Variants in AGAP1 observed in about 807,000 individuals in gnomAD.
AGAP1 encodes the protein arf-GAP with GTPase, ANK repeat and PH domain-containing protein 1.
AGAP1 carries 29 observed loss-of-function variants against 105.3 expected under a neutral mutation model. The observed-to-expected ratio is 0.28, with a 90% CI of 0.21 to 0.38. AGAP1 has a LOEUF of 0.38. Among genes scored for constraint, AGAP1 ranks in the 10% least tolerant of loss-of-function variants. The pLI is 1.00. For missense variants in AGAP1, 998 were observed against 1,165.1 expected (o/e 0.86, Z 2.09); for synonymous variants, 509 against 485.9 (o/e 1.05, Z -0.63).
chr2:235,691,995 A>G lies in AGAP1; in HGVS notation c.164-17184A>G, dbSNP rs911163925. The stretch of plus-strand genomic sequence containing the variant: ...ATAGCACATTCTCTAGTTGCTGGTT[A>G]TCTAGTTACTAGTGGTAAGACAGAG... On this transcript the variant is annotated intron_variant, in intron 1 of 17. Coordinates refer to ENST00000304032, the MANE Select transcript of AGAP1 (RefSeq NM_001037131.3). This position sits in a 1 kb window ranked among gnomAD's most constrained non-coding sequence, Gnocchi z 4.4. Among the ~76,000 whole-genome samples the G allele has an allele frequency of 1.3e-5, 2 of 152,218 alleles. No homozygotes were observed. The highest frequency in any genetic ancestry group is 4.8e-5 in the African/African-American group (2 of 41,458).
At position 235,751,224 on chromosome 2, in the gene AGAP1, G is replaced by A. The variant is rs1393037338; in HGVS notation, c.673+736G>A. 6.6e-6 allele frequency among the ~76,000 whole-genome samples: 1 copy of A among 152,146 alleles called. No individual in the cohort carries two copies. The highest frequency in any genetic ancestry group is 1.5e-5 in the Non-Finnish European group (1 of 68,026). Reference sequence around the variant, plus strand: ...TCACCCTGGGGATAGGAGGGTCTGGGGTAAATAAGGACTGATACTTCTAAA... The same window carrying A: ...TCACCCTGGGGATAGGAGGGTCTGGAGTAAATAAGGACTGATACTTCTAAA... On this transcript the variant is annotated intron_variant, in intron 6 of 17. Transcript: ENST00000304032. The surrounding 1 kb of genome is among the most constrained non-coding windows in gnomAD (Gnocchi z 5.3).
chr2:235,742,124 A>G (rs923505569), intron 4 of AGAP1, among the ~76,000 whole-genome samples: 15 of 152,106 alleles, frequency 9.9e-5, no homozygotes, highest in Non-Finnish European at 1.6e-4. Flanking sequence ...AATGTCAGAC[A>G]TTTTCTTGGC....
At position 235,577,354 on chromosome 2, in the gene AGAP1, C is replaced by G. The variant is rs965692649; in HGVS notation, c.163+82505C>G. Among the ~76,000 whole-genome samples the G allele has an allele frequency of 3.3e-5, 5 of 152,162 alleles. No individual in the cohort carries two copies. Among genetic ancestry groups the G allele is most frequent in the African/African-American group, 1.2e-4 (5 of 41,436 alleles). On this transcript the variant is annotated intron_variant, in intron 1 of 17. Transcript: ENST00000304032. This position sits in a 1 kb window ranked among gnomAD's most constrained non-coding sequence, Gnocchi z 4.5. ...ATTTCAATTCGGCCACATTTTAGTG[C>G]TCAGTAGCACCTGTGGCTGGAGCTA...
Position 235,792,980 on chromosome 2 carries a change from G to A in AGAP1, c.674-4779G>A, listed in dbSNP as rs920498889. On this transcript the variant is annotated intron_variant, in intron 6 of 17. Coordinates refer to ENST00000304032, the MANE Select transcript of AGAP1 (RefSeq NM_001037131.3). This position sits in a 1 kb window ranked among gnomAD's most constrained non-coding sequence, Gnocchi z 5.3. ...CCAGGAGGATGCCAGGGAAGCACCC[G>A]CACTTCAGGAGCCAGCAAGGGAGGA... Among the ~76,000 whole-genome samples the A allele has an allele frequency of 2.0e-5, 3 of 152,130 alleles. No homozygotes were observed. The highest frequency in any genetic ancestry group is 7.2e-5 in the African/African-American group (3 of 41,424).
intron 11 of AGAP1, among the ~76,000 whole-genome samples, chr2:235,917,460 T>G (rs915092286): frequency 6.6e-6 from 1 of 152,164 alleles, no homozygotes; most frequent in Admixed American, 6.5e-5. Context: ...CCTCTCCTCT[T>G]TCTCTCTCGT....
intron 15 of AGAP1, among the ~76,000 whole-genome samples, chr2:236,047,925 T>TA (rs1437481548): frequency 2.0e-5 from 3 of 152,184 alleles, no homozygotes; most frequent in African/African-American, 7.2e-5. Context: ...TTTCTTGTGG[T>TA]ATCTATCACT....
At chr2:236,069,052 G>A (rs774698833) in intron 16 of AGAP1, among the ~76,000 whole-genome samples, 17 of 151,266 alleles carry the variant, frequency 1.1e-4, no homozygotes, top group Non-Finnish European at 1.8e-4. Context: ...ACTTGAACCC[G>A]CGAGGTGAAG....
chr2:235,862,524 C>T (rs1392152804), intron 9 of AGAP1, among the ~76,000 whole-genome samples: 1 of 152,228 alleles, frequency 6.6e-6, no homozygotes, highest in Non-Finnish European at 1.5e-5. Flanking sequence ...TTCGGAGGCT[C>T]AGGTGTTGCA....
rs556056142 is a variant in AGAP1, at chr2:235,755,910, C to T, written c.673+5422C>T. Among the ~76,000 whole-genome samples the T allele has an allele frequency of 3.3e-5, 5 of 152,262 alleles. No individual in the cohort carries two copies. The East Asian group carries it at 9.6e-4, about 29-fold the overall frequency. On this transcript the variant is annotated intron_variant, in intron 6 of 17. Coordinates refer to ENST00000304032, the MANE Select transcript of AGAP1 (RefSeq NM_001037131.3). ...AGTTTTGGTGATGGGATTTTTCAGCCTACATGCTGAAAGGTCACCTAAAAT... is the reference window on the plus strand; with the variant it reads ...AGTTTTGGTGATGGGATTTTTCAGCTTACATGCTGAAAGGTCACCTAAAAT...
rs1308883720 is a variant in AGAP1, at chr2:235,751,081, C to T, written c.673+593C>T. ...AGCCACAAATCAGACAGAAAATTCT[C>T]CTAGGAGAGCATGAGGTTCTGCAAG... On this transcript the variant is annotated intron_variant, in intron 6 of 17. Coordinates refer to ENST00000304032, the MANE Select transcript of AGAP1 (RefSeq NM_001037131.3). This position sits in a 1 kb window ranked among gnomAD's most constrained non-coding sequence, Gnocchi z 5.3. 2.0e-5 allele frequency among the ~76,000 whole-genome samples: 3 copies of T among 152,144 alleles called. No individual in the cohort carries two copies. The East Asian group carries it at 5.8e-4, about 29-fold the overall frequency.
chr2:235,495,751 C>T (rs1331064633), intron 1 of AGAP1, among the ~76,000 whole-genome samples: 1 of 152,188 alleles, frequency 6.6e-6, no homozygotes, highest in Non-Finnish European at 1.5e-5. Flanking sequence ...TTGCTTCATC[C>T]CTTTGGTCCG....
chr2:236,060,407 A>T (rs2058158516), intron 16 of AGAP1, among the ~76,000 whole-genome samples: 1 of 152,178 alleles, frequency 6.6e-6, no homozygotes, highest in Non-Finnish European at 1.5e-5. Context: ...GAACGGTTAC[A>T]GGTGGGCATG....
chr2:235,759,164 CTTTTTTTTTT>C lies in AGAP1; in HGVS notation c.673+8689_673+8698del, dbSNP rs560528348. Among the ~76,000 whole-genome samples the C allele has an allele frequency of 4.2e-4, 44 of 104,106 alleles. No homozygotes were observed. In the South Asian group the frequency reaches 0.014, roughly 33 times the overall value. 68.3% of individuals were successfully genotyped at this position (104,106 alleles called of 152,430 possible). On this transcript the variant is annotated intron_variant, in intron 6 of 17. Transcript: ENST00000304032. Reference sequence around the variant, plus strand: ...TAGCCCTAGGGTTGTTGATGTCATTCTTTTTTTTTTTTTTTTTTTTTTGAGATGGAGTCTC... The same window carrying C: ...TAGCCCTAGGGTTGTTGATGTCATTCTTTTTTTTTTTTGAGATGGAGTCTC...
rs1950195059 is a variant in AGAP1 at position 235,700,471 on chromosome 2, T to C, written c.164-8708T>C. Among the ~76,000 whole-genome samples the C allele has an allele frequency of 6.6e-6, 1 of 152,102 alleles. No individual in the cohort carries two copies. The highest frequency in any genetic ancestry group is 6.6e-5 in the Admixed American group (1 of 15,266). On this transcript the variant is annotated intron_variant, in intron 1 of 17. Coordinates refer to ENST00000304032, the MANE Select transcript of AGAP1 (RefSeq NM_001037131.3). This position sits in a 1 kb window ranked among gnomAD's most constrained non-coding sequence, Gnocchi z 6.1. ...GAACACCGTGATTCTGGAGGGGTAT[T>C]ATGAGGCACTCAGGAATGCTTTTGA...
chr2:235,677,733 G>A (rs899498698), intron 1 of AGAP1, among the ~76,000 whole-genome samples: 3 of 151,676 alleles, frequency 2.0e-5, no homozygotes, highest in Non-Finnish European at 4.4e-5. Context: ...TCTGCTGACC[G>A]TCAGGCACTT....
At chr2:235,956,926 T>C (rs555082458) in intron 12 of AGAP1, among the ~76,000 whole-genome samples, 1 of 152,380 alleles carries the variant, frequency 6.6e-6, no homozygotes, top group Admixed American at 6.5e-5. Flanking sequence ...GACCGTATAG[T>C]GGACGTTTTA....
In AGAP1 at chr2:235,874,163, A is replaced by C. The variant is rs2049590615; in HGVS notation, c.1051-9182A>C. Among the ~76,000 whole-genome samples, 2 of 151,764 alleles carry C rather than the reference A, an allele frequency of 1.3e-5. No individual in the cohort carries two copies. The highest frequency in any genetic ancestry group is 2.9e-5 in the Non-Finnish European group (2 of 67,922). On this transcript the variant is annotated intron_variant, in intron 9 of 17. Transcript: ENST00000304032. The surrounding 1 kb of genome is among the most constrained non-coding windows in gnomAD (Gnocchi z 4.5). ...ACCTCTCCCTCCAACCAATTGCCCT[A>C]CCTCAGCCTCCCAAGTAGCTAGGTC...
intron 9 of AGAP1, among the ~76,000 whole-genome samples, chr2:235,810,581 A>AC (rs1225715506): frequency 6.6e-6 from 1 of 151,890 alleles, no homozygotes; most frequent in Non-Finnish European, 1.5e-5. Flanking sequence ...GCTTATGTTA[A>AC]CCCCCTTTCA....
At position 235,797,999 on chromosome 2, in the gene AGAP1, C is replaced by T. The variant is rs1251446582; in HGVS notation, c.801+113C>T. On this transcript the variant is annotated intron_variant, in intron 7 of 17. Coordinates refer to ENST00000304032, the MANE Select transcript of AGAP1 (RefSeq NM_001037131.3). ...TTTTTCTTTTCAACTTTATAAGTAACAGCATGTTGTAATTGACTTCACATT... is the reference window on the plus strand; with the variant it reads ...TTTTTCTTTTCAACTTTATAAGTAATAGCATGTTGTAATTGACTTCACATT... 6.8e-6 allele frequency: 9 copies of T among 1,320,516 alleles called. No homozygotes were observed. The Admixed American group carries it at 9.0e-5, about 13-fold the overall frequency. 81.8% of individuals were successfully genotyped at this position (1,320,516 alleles called of 1,614,324 possible). A position where few individuals can be genotyped will look rare whatever the true frequency, so the allele number is the denominator to read the frequency against.
Sources: gnomAD v4.1 joint callset for allele counts (sites outside exome capture counted in the v4.1 genomes callset) on GRCh38, gnomAD v4.1.1 for gene constraint, Gnocchi (gnomAD v3.1) non-coding constraint, MANE v1.5 for transcripts, NCBI Gene and HGNC (gene_info 2026-07-23, HGNC 2026-07-21) for gene names.